The following MACROD2 variants were observed in gnomAD, a reference collection of about 807,000 sequenced individuals.
MACROD2 encodes the protein mono-ADP ribosylhydrolase 2.
In MACROD2, 36 loss-of-function variants were observed where a neutral mutation model predicts 70.4. The ratio of observed to expected loss-of-function variants is 0.51; its 90% confidence interval spans 0.39 to 0.68. The LOEUF is 0.68. Ranked by LOEUF, MACROD2 falls within the 30% of genes least tolerant of loss-of-function variation. The pLI is 0.00. For synonymous variants in MACROD2, 172 were observed against 178.8 expected (o/e 0.96, Z 0.30); for missense variants, 496 against 538.4 (o/e 0.92, Z 0.78).
chr20:14,174,696 G>C (rs2081249528), intron 3 of MACROD2, among the ~76,000 whole-genome samples: 2 of 152,262 alleles, frequency 1.3e-5, no homozygotes, highest in African/African-American at 4.8e-5. Flanking sequence ...GTTTTGTCCA[G>C]GAAGCTTTGT....
intron 3 of MACROD2, among the ~76,000 whole-genome samples, chr20:14,226,999 A>T (rs1263339005): frequency 6.6e-6 from 1 of 152,154 alleles, no homozygotes; most frequent in Non-Finnish European, 1.5e-5. Flanking sequence ...GAGAACCTTT[A>T]TGTCTAGCTC....
chr20:14,051,843 T>A (rs1343764702), intron 2 of MACROD2: 1 of 490,300 alleles, frequency 2.0e-6, no homozygotes. Context: ...CCCATCCTTT[T>A]TGTGAGGAGA....
chr20:15,653,271 C>G (rs1252858322), intron 8 of MACROD2, among the ~76,000 whole-genome samples: 1 of 152,124 alleles, frequency 6.6e-6, no homozygotes, highest in Non-Finnish European at 1.5e-5. Flanking sequence ...AATTTTTGGT[C>G]ACTTATTCAT....
chr20:14,487,080 C>T (rs975645034), intron 3 of MACROD2, among the ~76,000 whole-genome samples: 1 of 152,276 alleles, frequency 6.6e-6, no homozygotes, highest in African/African-American at 2.4e-5. Flanking sequence ...AAAACTATTC[C>T]TAAAGATGAA....
At chr20:15,130,829 C>G (rs1385798667) in intron 5 of MACROD2, among the ~76,000 whole-genome samples, 2 of 152,038 alleles carry the variant, frequency 1.3e-5, no homozygotes, top group African/African-American at 4.8e-5. Flanking sequence ...TTAAATAAAT[C>G]TCCTGAGGTA....
At chr20:15,471,418 A>G (rs756671470) in intron 7 of MACROD2, among the ~76,000 whole-genome samples, 9 of 152,220 alleles carry the variant, frequency 5.9e-5, no homozygotes, top group African/African-American at 1.9e-4. Flanking sequence ...ATGATTGCAT[A>G]TATTCAAACC....
chr20:14,784,536 G>T (rs1284616982), intron 5 of MACROD2, among the ~76,000 whole-genome samples: 1 of 152,008 alleles, frequency 6.6e-6, no homozygotes, highest in Non-Finnish European at 1.5e-5. Flanking sequence ...TTTCTGAGGG[G>T]CAGGTGCTGG....
At chr20:14,365,203 TTG>T (rs1307051491) in intron 3 of MACROD2, among the ~76,000 whole-genome samples, 4 of 152,108 alleles carry the variant, frequency 2.6e-5, no homozygotes, top group Admixed American at 2.0e-4. Flanking sequence ...TTGGCAGTTT[TTG>T]TGTTTCTAGG....
At chr20:15,738,512 A>G (rs1051519224) in intron 8 of MACROD2, among the ~76,000 whole-genome samples, 1 of 152,196 alleles carries the variant, frequency 6.6e-6, no homozygotes, top group Admixed American at 6.5e-5. Flanking sequence ...CACACTGATA[A>G]AACTTTGAAA....
At chr20:15,224,996 C>T (rs1407335716) in intron 5 of MACROD2, among the ~76,000 whole-genome samples, 4 of 150,376 alleles carry the variant, frequency 2.7e-5, no homozygotes, top group Admixed American at 1.3e-4. Flanking sequence ...TCCTATCCTA[C>T]GTTACCACTT....
At position 15,553,720 on chromosome 20, in the gene MACROD2, G is replaced by A. The variant is rs73258972; in HGVS notation, c.645+53873G>A. Among the ~76,000 whole-genome samples the A allele has an allele frequency of 6.1e-3, 923 of 152,286 alleles. 12 individuals are homozygous for A. Among genetic ancestry groups the A allele is most frequent in the African/African-American group, 0.021 (867 of 41,550 alleles). On this transcript the variant is annotated intron_variant, in intron 8 of 17. Transcript: ENST00000684519. ...CAGGCATGCTGGGCACATTGTGGAC[G>A]TGCCCGGCCACCTTGGGTATTTTGG...
chr20:15,049,064 CTTAAA>C (rs1335616259), intron 5 of MACROD2, among the ~76,000 whole-genome samples: 1 of 151,508 alleles, frequency 6.6e-6, no homozygotes, highest in Non-Finnish European at 1.5e-5. Flanking sequence ...CTTAACACAG[CTTAAA>C]TTATTTTTTT....
intron 3 of MACROD2, among the ~76,000 whole-genome samples, chr20:14,485,157 C>T (rs1043120842): frequency 6.6e-6 from 1 of 152,050 alleles, no homozygotes; most frequent in Non-Finnish European, 1.5e-5. Context: ...GATACACACA[C>T]ACATACACAG....
At chr20:14,834,910 GTATAA>G (rs946740017) in intron 5 of MACROD2, among the ~76,000 whole-genome samples, 9 of 151,888 alleles carry the variant, frequency 5.9e-5, no homozygotes, top group African/African-American at 1.4e-4. Flanking sequence ...GATTGACTAT[GTATAA>G]TATGTGTGTA....
At chr20:15,932,404 A>T (rs987367209) in intron 10 of MACROD2, among the ~76,000 whole-genome samples, 1 of 152,176 alleles carries the variant, frequency 6.6e-6, no homozygotes, top group African/African-American at 2.4e-5. Context: ...AAGAGAAGGA[A>T]TGGGCTCCAC....
chr20:14,523,995 T>C (rs1025464516), intron 4 of MACROD2, among the ~76,000 whole-genome samples: 1 of 152,204 alleles, frequency 6.6e-6, no homozygotes, highest in Non-Finnish European at 1.5e-5. Context: ...TTGTTCTAGA[T>C]AAAACACACA....
At chr20:14,967,824 C>G (rs2074652713) in intron 5 of MACROD2, among the ~76,000 whole-genome samples, 1 of 152,102 alleles carries the variant, frequency 6.6e-6, no homozygotes, top group Admixed American at 6.6e-5. Flanking sequence ...TCAGGGTCCT[C>G]ATTTTTAATA....
intron 8 of MACROD2, among the ~76,000 whole-genome samples, chr20:15,590,186 T>C (rs1160577444): frequency 1.3e-5 from 2 of 152,196 alleles, no homozygotes; most frequent in African/African-American, 4.8e-5. Flanking sequence ...CAGCACTGCT[T>C]TGGATTTGTT....
chr20:14,312,360 T>G (rs1168066520), intron 3 of MACROD2, among the ~76,000 whole-genome samples: 2 of 152,224 alleles, frequency 1.3e-5, no homozygotes, highest in African/African-American at 4.8e-5. Flanking sequence ...GGATGTGGAT[T>G]GAATTGATAG....
Sources: gnomAD v4.1 joint callset for allele counts (sites outside exome capture counted in the v4.1 genomes callset) on GRCh38, gnomAD v4.1.1 for gene constraint, MANE v1.5 for transcripts, NCBI Gene and HGNC (gene_info 2026-07-23, HGNC 2026-07-21) for gene names.